PDGFD: variants seen among roughly 807,000 people sequenced by gnomAD.
The protein encoded by PDGFD is platelet-derived growth factor D.
In PDGFD, 30 loss-of-function variants were observed where a neutral mutation model predicts 44.7. The observed-to-expected ratio is 0.67, with a 90% CI of 0.50 to 0.91. PDGFD has a LOEUF of 0.91. Among genes scored for constraint, PDGFD ranks in the 40% least tolerant of loss-of-function variants. The pLI is 0.00. For synonymous variants in PDGFD, 173 were observed against 168.4 expected (o/e 1.03, Z -0.21); for missense variants, 445 against 457.8 (o/e 0.97, Z 0.25).
chr11:104,096,971 T>A (rs1386336665), intron 1 of PDGFD, among the ~76,000 whole-genome samples: 1 of 152,194 alleles, frequency 6.6e-6, no homozygotes. Context: ...TTACCTCTTA[T>A]CTCAACACAG....
intron 1 of PDGFD, among the ~76,000 whole-genome samples, chr11:104,002,996 C>T (rs1859643139): frequency 6.6e-6 from 1 of 152,082 alleles, no homozygotes; most frequent in African/African-American, 2.4e-5. Context: ...TCTCTTTGGT[C>T]TTTTTCATGG....
intron 5 of PDGFD, among the ~76,000 whole-genome samples, chr11:103,935,639 G>A (rs1230679883): frequency 6.6e-6 from 1 of 152,146 alleles, no homozygotes; most frequent in East Asian, 1.9e-4. Context: ...CTATCTGTGA[G>A]GCTCTCCAGA....
At chr11:104,102,914 A>T (rs1474407193) in intron 1 of PDGFD, among the ~76,000 whole-genome samples, 1 of 152,056 alleles carries the variant, frequency 6.6e-6, no homozygotes, top group Non-Finnish European at 1.5e-5. Context: ...AACATCACAC[A>T]CTAGGGCCTG....
intron 1 of PDGFD, among the ~76,000 whole-genome samples, chr11:104,080,167 TCTGTTGTTAGCA>T (rs1861023607): frequency 6.6e-6 from 1 of 152,184 alleles, no homozygotes; most frequent in African/African-American, 2.4e-5. Flanking sequence ...GTCATTAAAA[TCTGTTGTTAGCA>T]CTGCCCTGAT....
chr11:103,956,669 T>G (rs953108629), intron 3 of PDGFD, among the ~76,000 whole-genome samples: 6 of 151,944 alleles, frequency 3.9e-5, no homozygotes, highest in South Asian at 2.1e-4. Flanking sequence ...CTAGTTTACA[T>G]TCCCACCAAC....
chr11:104,146,594 T>C (rs1197776445), intron 1 of PDGFD, among the ~76,000 whole-genome samples: 1 of 152,104 alleles, frequency 6.6e-6, no homozygotes, highest in East Asian at 1.9e-4. Flanking sequence ...ATAAAGAACA[T>C]CAAGTTATGC....
At chr11:104,005,482 T>G (rs1245275416) in intron 1 of PDGFD, among the ~76,000 whole-genome samples, 5 of 152,196 alleles carry the variant, frequency 3.3e-5, no homozygotes, top group Non-Finnish European at 7.3e-5. Flanking sequence ...TGTAATGAAT[T>G]ATAGATACAA....
chr11:104,009,457 A>G (rs776638743), intron 1 of PDGFD, among the ~76,000 whole-genome samples: 6 of 151,684 alleles, frequency 4.0e-5, no homozygotes, highest in Non-Finnish European at 8.8e-5. Context: ...TATTATTATC[A>G]TTACTACTCA....
intron 1 of PDGFD, among the ~76,000 whole-genome samples, chr11:104,154,301 T>C (rs1484416428): frequency 3.9e-5 from 6 of 152,200 alleles, no homozygotes; most frequent in East Asian, 1.9e-4. Context: ...ATATTGCTTC[T>C]TCAAATAACC....
intron 3 of PDGFD, among the ~76,000 whole-genome samples, chr11:103,949,530 T>C (rs1378035123): frequency 1.3e-5 from 2 of 152,204 alleles, no homozygotes; most frequent in East Asian, 3.8e-4. Context: ...TTGATGAGAC[T>C]ATTGGTGGAG....
chr11:103,976,621 A>C, intron 3 of PDGFD, among the ~76,000 whole-genome samples: 1 of 152,154 alleles, frequency 6.6e-6, no homozygotes, highest in Non-Finnish European at 1.5e-5. Context: ...TTCAAATGGA[A>C]TGCTTCCAGC....
intron 1 of PDGFD, among the ~76,000 whole-genome samples, chr11:104,103,775 T>A (rs1861432593): frequency 1.3e-5 from 2 of 152,212 alleles, no homozygotes; most frequent in East Asian, 3.9e-4. Flanking sequence ...AAAAAAAGTA[T>A]AGCACATACA....
chr11:103,973,776 A>C (rs1343293718), intron 3 of PDGFD, among the ~76,000 whole-genome samples: 3 of 152,158 alleles, frequency 2.0e-5, no homozygotes, highest in Non-Finnish European at 4.4e-5. Flanking sequence ...GCCCCACATA[A>C]TATTAGAAAT....
At chr11:104,076,406 G>A (rs539128075) in intron 1 of PDGFD, among the ~76,000 whole-genome samples, 4 of 152,234 alleles carry the variant, frequency 2.6e-5, no homozygotes, top group African/African-American at 7.2e-5. Flanking sequence ...ACCTTCAAAT[G>A]TCTTTCATTA....
chr11:104,045,467 CAT>C (rs1440839501), intron 1 of PDGFD, among the ~76,000 whole-genome samples: 1 of 151,808 alleles, frequency 6.6e-6, no homozygotes, highest in African/African-American at 2.4e-5. Flanking sequence ...AGAAATGGTA[CAT>C]GTTTATGCAA....
chr11:103,979,010 T>C (rs1466316284), intron 3 of PDGFD, among the ~76,000 whole-genome samples: 1 of 152,096 alleles, frequency 6.6e-6, no homozygotes, highest in African/African-American at 2.4e-5. Flanking sequence ...AGGAGCTTTA[T>C]AAATGGAGCT....
Position 104,111,282 on chromosome 11 carries a change from T to TA in PDGFD, c.124+52521dup, listed in dbSNP as rs1174070013. On this transcript the variant is annotated intron_variant, in intron 1 of 6. Transcript: ENST00000393158. ...TAATTCTTTTTTTTTTTTTTTTTTT[T>TA]AGATTTCACTCTGGTCACCCAGGCT... 1.0e-3 allele frequency among the ~76,000 whole-genome samples: 148 copies of TA among 147,802 alleles called. 2 individuals are homozygous for TA. The highest frequency in any genetic ancestry group is 1.0e-2 in the Admixed American group (148 of 14,848).
At chr11:104,083,096 T>C (rs1279508237) in intron 1 of PDGFD, among the ~76,000 whole-genome samples, 6 of 152,176 alleles carry the variant, frequency 3.9e-5, no homozygotes, top group East Asian at 1.9e-4. Context: ...ACATAATGCA[T>C]TGGTTTCATA....
chr11:103,939,359 CTG>C (rs994130559), intron 5 of PDGFD, among the ~76,000 whole-genome samples: 1 of 152,052 alleles, frequency 6.6e-6, no homozygotes, highest in African/African-American at 2.4e-5. Context: ...CTCTGTTTGT[CTG>C]TTATTGGTGT....
Sources: allele counts gnomAD v4.1 joint callset (sites outside exome capture counted in the v4.1 genomes callset), GRCh38; gene constraint gnomAD v4.1.1; transcripts MANE v1.5; gene names NCBI Gene and HGNC (gene_info 2026-07-23, HGNC 2026-07-21).